Variants in RBMS1 observed in about 807,000 individuals in gnomAD.
RBMS1 encodes the protein RNA binding motif single stranded interacting protein 1, also known as RNA-binding motif, single-stranded-interacting protein 1.
A neutral mutation model predicts 62.3 loss-of-function variants in RBMS1; 17 were observed. The ratio of observed to expected loss-of-function variants is 0.27; its 90% CI spans 0.19 to 0.41. The LOEUF (loss-of-function observed/expected upper bound fraction) is 0.41. Among genes scored for constraint, RBMS1 ranks in the 10% least tolerant of loss-of-function variants. The pLI is 1.00. For missense variants in RBMS1, 334 were observed against 504.5 expected (o/e 0.66, Z 3.24); for synonymous variants, 172 against 170.0 (o/e 1.01, Z -0.09).
chr2:160,439,878 C>T (rs1393841591), intron 1 of RBMS1, among the ~76,000 whole-genome samples: 2 of 152,126 alleles, frequency 1.3e-5, no homozygotes, highest in Non-Finnish European at 2.9e-5. Flanking sequence ...CACAGCGAAA[C>T]CCCGTCTCCA....
chr2:160,435,155 C>G (rs1403074272), intron 1 of RBMS1, among the ~76,000 whole-genome samples: 1 of 152,080 alleles, frequency 6.6e-6, no homozygotes, highest in Non-Finnish European at 1.5e-5. Flanking sequence ...TTATTTTAAA[C>G]TATCACTACA....
chr2:160,459,612 C>T (rs1296001688), intron 1 of RBMS1, among the ~76,000 whole-genome samples: 4 of 152,048 alleles, frequency 2.6e-5, no homozygotes, highest in Non-Finnish European at 5.9e-5. Flanking sequence ...AACTGTTGAC[C>T]AAAATCATGT....
intron 1 of RBMS1, among the ~76,000 whole-genome samples, chr2:160,410,489 A>G (rs924564357): frequency 6.6e-6 from 1 of 152,214 alleles, no homozygotes; most frequent in African/African-American, 2.4e-5. Context: ...ACTCAAACAC[A>G]AAGAATGCAA....
At chr2:160,385,656 C>T (rs138141103) in intron 1 of RBMS1, among the ~76,000 whole-genome samples, 1 of 152,326 alleles carries the variant, frequency 6.6e-6, no homozygotes, top group Non-Finnish European at 1.5e-5. Context: ...TCACTTAGGA[C>T]AACTGAGAAG....
intron 1 of RBMS1, among the ~76,000 whole-genome samples, chr2:160,491,108 GA>G (rs537801948): frequency 1.7e-3 from 1 of 600 alleles, no homozygotes; most frequent in Non-Finnish European, 3.7e-3. Context: ...ACATAAGGGA[GA>G]GAAAAAAAAA....
chr2:160,420,306 G>A (rs1696370720), intron 1 of RBMS1, among the ~76,000 whole-genome samples: 1 of 151,958 alleles, frequency 6.6e-6, no homozygotes, highest in African/African-American at 2.4e-5. Context: ...TCTGAGCTTT[G>A]CCAGGAAACA....
At chr2:160,322,978 C>T (rs546455553) in intron 2 of RBMS1, among the ~76,000 whole-genome samples, 1 of 152,026 alleles carries the variant, frequency 6.6e-6, no homozygotes, top group South Asian at 2.1e-4. Flanking sequence ...TCACAGTAGT[C>T]ATCATCTCTC....
Position 160,426,290 on chromosome 2 carries a change from A to AAAGAAAGAAAGAAAGG in RBMS1, c.76-58900_76-58899insCCTTTCTTTCTTTCTT, listed in dbSNP as rs1248344627. Among the ~76,000 whole-genome samples, 29 of 67,036 alleles carry AAAGAAAGAAAGAAAGG rather than the reference A, an allele frequency of 4.3e-4. 1 individual carries two copies. Among genetic ancestry groups the AAAGAAAGAAAGAAAGG allele is most frequent in the Admixed American group, 7.2e-4 (4 of 5,582 alleles). The allele number at this position is 67,036 out of a possible 152,430, so 44.0% of individuals were successfully genotyped here. A position where few individuals can be genotyped will look rare whatever the true frequency, so the allele number is the denominator to read the frequency against. The stretch of plus-strand genomic sequence containing the variant: ...GAAAGAAAGAAAGAAAGAAAGAAAG[A>AAAGAAAGAAAGAAAGG]AAAGAAAGAAGGAAGGAAGGAAGGA... On this transcript the variant is annotated intron_variant, in intron 1 of 13. Transcript: ENST00000348849.
At chr2:160,311,244 A>ATCTATATATC (rs1202404841) in intron 4 of RBMS1, among the ~76,000 whole-genome samples, 3 of 88,902 alleles carry the variant, frequency 3.4e-5, no homozygotes, top group East Asian at 1.1e-3. Context: ...ATATATATAT[A>ATCTATATATC]TATATATATA....
At chr2:160,318,341 C>T in intron 2 of RBMS1, 114 bp from the exon 3 acceptor site, 2 of 1,379,518 alleles carry the variant, frequency 1.4e-6, no homozygotes, top group African/African-American at 3.0e-5. Context: ...CAAACATCTG[C>T]AAACTTTAGA....
intron 1 of RBMS1, among the ~76,000 whole-genome samples, chr2:160,443,158 A>C (rs2105306296): frequency 6.6e-6 from 1 of 150,972 alleles, no homozygotes; most frequent in East Asian, 1.9e-4. Context: ...GTGAGCCGAG[A>C]TTGCGCCACT....
At chr2:160,383,897 T>G (rs1176823773) in intron 1 of RBMS1, among the ~76,000 whole-genome samples, 1 of 151,938 alleles carries the variant, frequency 6.6e-6, no homozygotes, top group Non-Finnish European at 1.5e-5. Context: ...GGGGATGGAG[T>G]AAATAAATAA....
Position 160,348,850 on chromosome 2 carries a change from C to A in RBMS1, c.251+18366G>T, listed in dbSNP as rs1197821752. 7.3e-4 allele frequency among the ~76,000 whole-genome samples: 111 copies of A among 152,104 alleles called. 1 individual carries two copies. Among genetic ancestry groups the A allele is most frequent in the Non-Finnish European group, 1.2e-4 (8 of 68,002 alleles). ...GACATATAAGGTAAAACTCTATAAT[C>A]TGAAAACTTGATGAATTAGTATAAC... On this transcript the variant is annotated intron_variant, in intron 2 of 13. Coordinates refer to ENST00000348849, the MANE Select transcript of RBMS1 (RefSeq NM_016836.4).
intron 1 of RBMS1, among the ~76,000 whole-genome samples, chr2:160,416,894 T>A (rs982277160): frequency 6.6e-6 from 1 of 152,166 alleles, no homozygotes; most frequent in Non-Finnish European, 1.5e-5. Context: ...AAACCATCCA[T>A]CATAGTTCTA....
chr2:160,371,323 G>A (rs568545751), intron 1 of RBMS1, among the ~76,000 whole-genome samples: 28 of 152,224 alleles, frequency 1.8e-4, no homozygotes, highest in South Asian at 1.2e-3. Flanking sequence ...CTCAAAACCC[G>A]GAAGCTGCCT....
chr2:160,405,938 G>A, intron 1 of RBMS1, among the ~76,000 whole-genome samples: 1 of 152,190 alleles, frequency 6.6e-6, no homozygotes, highest in African/African-American at 2.4e-5. Flanking sequence ...CAAGGGGAAT[G>A]TTTATTGTAA....
At chr2:160,434,171 G>A (rs529647896) in intron 1 of RBMS1, among the ~76,000 whole-genome samples, 8 of 152,156 alleles carry the variant, frequency 5.3e-5, no homozygotes, top group South Asian at 2.1e-4. Context: ...AAAATAAAAC[G>A]TTTAAAAGTA....
At position 160,381,430 on chromosome 2, in the gene RBMS1, T is replaced by G. The variant is rs1391107045; in HGVS notation, c.76-14039A>C. On this transcript the variant is annotated intron_variant, in intron 1 of 13. Coordinates refer to ENST00000348849, the MANE Select transcript of RBMS1 (RefSeq NM_016836.4). Reference sequence around the variant, plus strand: ...GGAAAATATTTTTTCCCCAGAGAACTAAGTGTTACGCATAATACTAATTGC... The same window carrying G: ...GGAAAATATTTTTTCCCCAGAGAACGAAGTGTTACGCATAATACTAATTGC... 3.9e-5 allele frequency among the ~76,000 whole-genome samples: 6 copies of G among 152,340 alleles called. No individual in the cohort carries two copies. In the East Asian group the frequency reaches 1.2e-3, roughly 29 times the overall value.
chr2:160,491,735 T>C (rs902827246), intron 1 of RBMS1, among the ~76,000 whole-genome samples: 13 of 152,208 alleles, frequency 8.5e-5, no homozygotes, highest in African/African-American at 2.9e-4. Context: ...ATTAAATATA[T>C]AAGATATCTA....
Sources: allele counts gnomAD v4.1 joint callset (sites outside exome capture counted in the v4.1 genomes callset), GRCh38; gene constraint gnomAD v4.1.1; transcripts MANE v1.5; gene names NCBI Gene and HGNC (gene_info 2026-07-23, HGNC 2026-07-21).